NRBF2: variants seen among roughly 807,000 people sequenced by gnomAD.
The protein encoded by NRBF2 is nuclear receptor binding factor 2.
In NRBF2, 12 loss-of-function variants were observed where a neutral mutation model predicts 28.5. The observed-to-expected ratio is 0.42, with a 90% CI of 0.27 to 0.68. The LOEUF is 0.68. Among genes scored for constraint, NRBF2 ranks in the 30% least tolerant of loss-of-function variants. NRBF2 has a pLI of 0.24. For synonymous variants in NRBF2, 102 were observed against 116.5 expected (o/e 0.88, Z 0.80); for missense variants, 274 against 333.5 (o/e 0.82, Z 1.39).
intron 1 of NRBF2, among the ~76,000 whole-genome samples, chr10:63,144,998 A>C (rs1468243516): frequency 2.6e-5 from 4 of 151,964 alleles, no homozygotes; most frequent in Admixed American, 6.6e-5. Context: ...ATCTTATGTA[A>C]GTTACACGAC....
chr10:63,143,458 C>A (rs2132685081), intron 1 of NRBF2, among the ~76,000 whole-genome samples: 1 of 152,142 alleles, frequency 6.6e-6, no homozygotes. Flanking sequence ...ACTGACAGAA[C>A]AGATTTGTTT....
Position 63,146,286 on chromosome 10 carries a change from G to A in NRBF2, c.108G>A (p.Lys36=). ...KYEEAISCHK[K]AAAYLSEAMK... ...AAGAGGCTATTTCTTGTCACAAAAA[G>A]GCTGCAGGTGAGTATTCTTATTAAG... The change falls in exon 2 of 4, where the codon AAG becomes AAA. Residue 36 remains lysine (K), a synonymous_variant. Transcript: ENST00000277746. 1.2e-6 allele frequency: 2 copies of A among 1,609,742 alleles called. No individual in the cohort carries two copies. Among genetic ancestry groups the A allele is most frequent in the Non-Finnish European group, 1.7e-6 (2 of 1,178,068 alleles).
intron 1 of NRBF2, among the ~76,000 whole-genome samples, chr10:63,145,563 A>G (rs888538058): frequency 6.6e-6 from 1 of 152,206 alleles, no homozygotes; most frequent in South Asian, 2.1e-4. Context: ...TGCTTATTTA[A>G]TAAGTTTTCC....
In NRBF2 at chr10:63,143,247, G is replaced by T. The variant is rs532268121; in HGVS notation, c.31-2962G>T. The stretch of plus-strand genomic sequence containing the variant: ...TTCTTTCCTACAAAAATAGAAGTGG[G>T]GAAAAGGCAAACAGCAAGGCATTGC... On this transcript the variant is annotated intron_variant, in intron 1 of 3. Transcript: ENST00000277746. 3.3e-5 allele frequency among the ~76,000 whole-genome samples: 5 copies of T among 152,262 alleles called. No individual in the cohort carries two copies. The South Asian group carries it at 1.0e-3, about 32-fold the overall frequency.
intron 1 of NRBF2, 149 bp downstream of exon 1, chr10:63,133,649 C>G: frequency 3.0e-6 from 2 of 661,720 alleles, no homozygotes; most frequent in East Asian, 6.2e-5. Context: ...CTAGGCAGGC[C>G]CTGGCCCAAC....
intron 1 of NRBF2, among the ~76,000 whole-genome samples, chr10:63,140,124 A>G (rs978798694): frequency 9.9e-5 from 15 of 152,070 alleles, no homozygotes; most frequent in Admixed American, 7.2e-4. Context: ...TGGGTGACAG[A>G]ATGAGACCCC....
intron 1 of NRBF2, among the ~76,000 whole-genome samples, chr10:63,139,968 T>C (rs970048999): frequency 6.6e-6 from 1 of 151,636 alleles, no homozygotes; most frequent in Non-Finnish European, 1.5e-5. Context: ...AAAACCGGTC[T>C]CTACCAAAAG....
intron 1 of NRBF2, among the ~76,000 whole-genome samples, chr10:63,144,521 TCTCCTGCCTCAGC>T (rs942676320): frequency 2.0e-5 from 3 of 151,702 alleles, no homozygotes; most frequent in African/African-American, 4.8e-5. Flanking sequence ...TTCACGCTAT[TCTCCTGCCTCAGC>T]CTCCTGAGTA....
At chr10:63,148,472 T>C (rs1054028771) in intron 2 of NRBF2, among the ~76,000 whole-genome samples, 9 of 152,190 alleles carry the variant, frequency 5.9e-5, no homozygotes, top group South Asian at 2.1e-4. Flanking sequence ...AAGCAACTTA[T>C]TATTTGGAAA....
At chr10:63,146,664 AATTC>A (rs1238142484) in intron 2 of NRBF2, among the ~76,000 whole-genome samples, 1 of 152,230 alleles carries the variant, frequency 6.6e-6, no homozygotes. Flanking sequence ...AATTCCAACC[AATTC>A]ATTTTCACTG....
intron 2 of NRBF2, among the ~76,000 whole-genome samples, chr10:63,146,879 C>T (rs1841569865): frequency 1.3e-5 from 2 of 152,022 alleles, no homozygotes; most frequent in African/African-American, 2.4e-5. Flanking sequence ...TTATCAAAGA[C>T]CTAATTTTAC....
intron 1 of NRBF2, among the ~76,000 whole-genome samples, chr10:63,145,325 C>T (rs1013749736): frequency 1.2e-4 from 18 of 152,068 alleles, no homozygotes; most frequent in Admixed American, 1.3e-4. Flanking sequence ...CTGCCCGCCT[C>T]GGCCTCCCAA....
chr10:63,149,336 TG>T (rs1402627219), intron 2 of NRBF2, among the ~76,000 whole-genome samples: 1 of 152,266 alleles, frequency 6.6e-6, no homozygotes, highest in Non-Finnish European at 1.5e-5. Context: ...CCCAAAGTGC[TG>T]GGATTACAGG....
chr10:63,146,559 G>T lies in NRBF2; in HGVS notation c.115+266G>T, dbSNP rs569092267. Among the ~76,000 whole-genome samples, 118 of 152,342 alleles carry T rather than the reference G, an allele frequency of 7.7e-4. 2 individuals carry two copies. In the South Asian group the frequency reaches 0.02, roughly 26 times the overall value. On this transcript the variant is annotated intron_variant, in intron 2 of 3. Transcript: ENST00000277746. ...AGATCCCTAAAAACAGGAGCTGATT[G>T]TAACAAGTCTGCCATTTTATCTTAG...
At chr10:63,141,546 A>G (rs1360092880) in intron 1 of NRBF2, among the ~76,000 whole-genome samples, 1 of 152,242 alleles carries the variant, frequency 6.6e-6, no homozygotes, top group African/African-American at 2.4e-5. Context: ...CTTTTGTAGT[A>G]CTTAACGAGG....
chr10:63,153,019 T>C (rs936214426), intron 3 of NRBF2, among the ~76,000 whole-genome samples: 1 of 152,160 alleles, frequency 6.6e-6, no homozygotes, highest in Non-Finnish European at 1.5e-5. Context: ...AAATATCTTT[T>C]TAAAAACTTT....
At chr10:63,151,107 CTG>C (rs879626383) in intron 2 of NRBF2, among the ~76,000 whole-genome samples, 3 of 152,184 alleles carry the variant, frequency 2.0e-5, no homozygotes, top group Non-Finnish European at 4.4e-5. Context: ...ATCTTAAAGA[CTG>C]TGGTAGAACC....
At chr10:63,141,901 A>G (rs1841474958) in intron 1 of NRBF2, among the ~76,000 whole-genome samples, 1 of 152,220 alleles carries the variant, frequency 6.6e-6, no homozygotes. Flanking sequence ...TGAGCTCAGT[A>G]ATAATCTGAA....
rs554428847 is a variant in NRBF2 at position 63,154,834 on chromosome 10, C to A, written c.*616C>A. 6.5e-6 allele frequency: 1 copy of A among 152,672 alleles called. No homozygotes were observed. The highest frequency in any genetic ancestry group is 1.9e-4 in the East Asian group (1 of 5,190). The allele number at this position is 152,672 out of a possible 1,614,324, so 9.5% of individuals were successfully genotyped here. On this transcript the variant is annotated 3_prime_UTR_variant, in exon 4 of 4. Transcript: ENST00000277746. ...TGAAGAAAGGAACCAAATTATTATG[C>A]TTTTTAAAACAAATTACCAGTTTAC...
Sources: allele counts gnomAD v4.1 joint callset (sites outside exome capture counted in the v4.1 genomes callset), GRCh38; gene constraint gnomAD v4.1.1; transcripts MANE v1.5; gene names NCBI Gene and HGNC (gene_info 2026-07-23, HGNC 2026-07-21).